Variants in KTN1 observed in about 807,000 individuals in gnomAD.
KTN1 encodes the protein kinectin.
Under a neutral mutation model 222.5 loss-of-function variants are expected in KTN1, and 130 were observed. The observed-to-expected ratio is 0.58, with a 90% confidence interval of 0.51 to 0.68. KTN1 has a LOEUF of 0.68. Among genes scored for constraint, KTN1 ranks in the 30% least tolerant of loss-of-function variants. The probability of loss-of-function intolerance (pLI) is 0.00; values close to 1 mark genes in which losing one functional copy is unlikely to be tolerated. For synonymous variants in KTN1, 512 were observed against 496.3 expected (o/e 1.03, Z -0.42); for missense variants, 1,508 against 1,500.4 (o/e 1.01, Z -0.08).
At chr14:55,601,903 A>G (rs1214408316) in intron 1 of KTN1, 1 of 152,020 alleles carries the variant, frequency 6.6e-6, no homozygotes, top group Non-Finnish European at 1.5e-5. Flanking sequence ...GCACCCAGCT[A>G]AGTTTTGTAT....
chr14:55,653,278 A>C (rs995631745), intron 27 of KTN1, among the ~76,000 whole-genome samples, 193 bp downstream of exon 27: 1 of 152,160 alleles, frequency 6.6e-6, no homozygotes, highest in Non-Finnish European at 1.5e-5. Context: ...TAATCTGTCA[A>C]CCTGAGCCTA....
At chr14:55,592,740 T>C (rs1199706180) in intron 1 of KTN1, among the ~76,000 whole-genome samples, 3 of 152,244 alleles carry the variant, frequency 2.0e-5, no homozygotes, top group Non-Finnish European at 4.4e-5. Context: ...CATGTGGTTT[T>C]CTTAAATTGT....
chr14:55,672,899 G>A (rs1220743408), intron 38 of KTN1, 30 bp from the exon 39 acceptor site: 4 of 1,550,408 alleles, frequency 2.6e-6, no homozygotes, highest in Non-Finnish European at 2.7e-6. Flanking sequence ...AATTTTAAGT[G>A]TGTTAACTTT....
intron 2 of KTN1, among the ~76,000 whole-genome samples, chr14:55,612,902 GAAAAAA>G (rs55992309): frequency 6.7e-6 from 1 of 148,720 alleles, no homozygotes; most frequent in Non-Finnish European, 1.5e-5. Flanking sequence ...GAAATTAAAA[GAAAAAA>G]AAAAAACCCC....
intron 1 of KTN1, among the ~76,000 whole-genome samples, chr14:55,597,486 T>C (rs1204134704): frequency 6.6e-6 from 1 of 152,242 alleles, no homozygotes; most frequent in Non-Finnish European, 1.5e-5. Flanking sequence ...GCTGTTTGCG[T>C]AGATGTCGAA....
At chr14:55,678,981 C>T (rs1436718884) in intron 42 of KTN1, 1 of 155,796 alleles carries the variant, frequency 6.4e-6, no homozygotes, top group African/African-American at 2.4e-5. Context: ...AGTATAGACT[C>T]TGGAGCTAGA....
intron 30 of KTN1, among the ~76,000 whole-genome samples, chr14:55,659,013 A>G (rs1016385338): frequency 2.0e-5 from 3 of 152,122 alleles, no homozygotes; most frequent in African/African-American, 4.8e-5. Flanking sequence ...GTCTACTACT[A>G]TTTAAAAGAG....
In KTN1 at chr14:55,672,985, A is replaced by C. The variant is rs1230490188; in HGVS notation, c.3660A>C (p.Arg1220=). The change falls in exon 39 of 44, where the codon CGA becomes CGC. Residue 1220 remains arginine, a synonymous_variant. Coordinates refer to ENST00000395314, the MANE Select transcript of KTN1 (RefSeq NM_001079521.2). ...EMELEKAEME[R]STYVTEVREL... ...AACTAGAAAAGGCAGAGATGGAACG[A>C]TCTACCTATGTTACAGAAGTCAGAG... is the stretch of plus-strand genomic sequence containing the variant. The C allele has an allele frequency of 1.2e-6, 2 of 1,613,016 alleles. No individual in the cohort carries two copies. The highest frequency in any genetic ancestry group is 1.7e-6 in the Non-Finnish European group (2 of 1,179,088).
At chr14:55,629,168 G>C (rs2040208242) in intron 6 of KTN1, among the ~76,000 whole-genome samples, 2 of 152,134 alleles carry the variant, frequency 1.3e-5, no homozygotes, top group South Asian at 4.1e-4. Context: ...TGTAATCCCA[G>C]CACTTTGGGA....
rs371464466 is a variant in KTN1, at chr14:55,630,124, A to T, written c.1221+27A>T. 4.4e-6 allele frequency: 7 copies of T among 1,603,480 alleles called. No individual in the cohort carries two copies. The Admixed American group carries it at 1.2e-4, about 27-fold the overall frequency. On this transcript the variant is annotated intron_variant, in intron 7 of 43. Transcript: ENST00000395314. Reference sequence around the variant, plus strand: ...TATATTTTCATTCTTTGGAAACAAGATGAAATGGTTGCATTCACTTTATTA... The same window carrying T: ...TATATTTTCATTCTTTGGAAACAAGTTGAAATGGTTGCATTCACTTTATTA...
At chr14:55,627,172 T>C (rs2039943971) in intron 5 of KTN1, among the ~76,000 whole-genome samples, 1 of 152,196 alleles carries the variant, frequency 6.6e-6, no homozygotes. Flanking sequence ...TCTCTTTTGA[T>C]CTAGCAGGAG....
At chr14:55,674,909 A>T (rs987258963) in intron 40 of KTN1, 1 of 152,156 alleles carries the variant, frequency 6.6e-6, no homozygotes, top group African/African-American at 2.4e-5. Context: ...GGGCCAAAAG[A>T]TTAATTTCTC....
intron 1 of KTN1, among the ~76,000 whole-genome samples, chr14:55,583,285 A>T (rs1009801447): frequency 6.8e-6 from 1 of 146,730 alleles, no homozygotes; most frequent in African/African-American, 2.7e-5. Flanking sequence ...TTTCTTTTTT[A>T]AAAAATGGTA....
intron 1 of KTN1, among the ~76,000 whole-genome samples, chr14:55,584,202 C>A (rs572328728): frequency 3.3e-5 from 5 of 152,102 alleles, no homozygotes; most frequent in African/African-American, 1.2e-4. Context: ...CTTCCACTCT[C>A]CTCATTCCCC....
chr14:55,647,278 A>G (rs1269594971), intron 19 of KTN1, among the ~76,000 whole-genome samples: 3 of 152,232 alleles, frequency 2.0e-5, no homozygotes, highest in African/African-American at 4.8e-5. Flanking sequence ...AAGCCTTTCT[A>G]GAATTAAAAG....
At position 55,659,695 on chromosome 14, in the gene KTN1, A is replaced by T. The variant is rs1319055455; in HGVS notation, c.2991A>T (p.Leu997Phe). Residue 997 changes from leucine to phenylalanine, a missense_variant, in exon 31 of 44, where the codon TTA becomes TTT. By Grantham distance (22) the Leu-to-Phe change is conservative. Transcript: ENST00000395314. ...QASSFPPHEE[L>F]LKVISEREKE... The stretch of plus-strand genomic sequence containing the variant: ...CTTCTTTTCCCCCTCATGAAGAATT[A>T]TTAAAAGTGTAAGTAATAAGTTTGA... 1 of 1,489,992 alleles carries T rather than the reference A, an allele frequency of 6.7e-7. No homozygotes were observed. 92.3% of individuals were successfully genotyped at this position (1,489,992 alleles called of 1,614,324 possible). A position where few individuals can be genotyped will look rare whatever the true frequency, so the allele number is the denominator to read the frequency against.
At chr14:55,642,766 A>G (rs2041930019) in intron 18 of KTN1, among the ~76,000 whole-genome samples, 1 of 151,920 alleles carries the variant, frequency 6.6e-6, no homozygotes, top group African/African-American at 2.4e-5. Context: ...CATTTATTCT[A>G]CCTCCCCGTA....
chr14:55,642,218 T>C (rs1385053226), intron 18 of KTN1, among the ~76,000 whole-genome samples: 1 of 152,210 alleles, frequency 6.6e-6, no homozygotes, highest in Non-Finnish European at 1.5e-5. Flanking sequence ...ATTTACACCA[T>C]AAAGTTGTTA....
At chr14:55,599,612 T>G (rs1170973542) in intron 1 of KTN1, among the ~76,000 whole-genome samples, 1 of 152,060 alleles carries the variant, frequency 6.6e-6, no homozygotes, top group African/African-American at 2.4e-5. Flanking sequence ...GTAGCTGGGA[T>G]TAACAGGCTC....
Sources: allele counts gnomAD v4.1 joint callset (sites outside exome capture counted in the v4.1 genomes callset), GRCh38; gene constraint gnomAD v4.1.1; transcripts MANE v1.5; gene names NCBI Gene and HGNC (gene_info 2026-07-23, HGNC 2026-07-21).